Variants in PRR5L observed in about 807,000 individuals in gnomAD.
The protein encoded by PRR5L is proline rich 5 like, also known as proline-rich protein 5-like.
In PRR5L, 21 loss-of-function variants were observed where a neutral mutation model predicts 36.4. The observed-to-expected ratio is 0.58, with a 90% CI of 0.41 to 0.83. The LOEUF (loss-of-function observed/expected upper bound fraction) is 0.83, where lower values mean the gene tolerates loss of function less well. Among genes scored for constraint, PRR5L ranks in the 40% least tolerant of loss-of-function variants. The probability of loss-of-function intolerance (pLI) is 0.00; values close to 1 mark genes in which losing one functional copy is unlikely to be tolerated. For synonymous variants in PRR5L, 188 were observed against 197.0 expected (o/e 0.95, Z 0.38); for missense variants, 381 against 473.3 (o/e 0.80, Z 1.81).
chr11:36,331,962 G>C (rs1004441064), intron 1 of PRR5L, among the ~76,000 whole-genome samples: 1 of 152,098 alleles, frequency 6.6e-6, no homozygotes. Flanking sequence ...CGTTGGATAG[G>C]TTACTTAACC....
chr11:36,382,580 C>G (rs937277153), intron 1 of PRR5L, among the ~76,000 whole-genome samples: 1 of 152,204 alleles, frequency 6.6e-6, no homozygotes, highest in Non-Finnish European at 1.5e-5. Context: ...GATTCCCAGA[C>G]TACAATGCGG....
chr11:36,455,856 G>A (rs564034446), intron 8 of PRR5L, among the ~76,000 whole-genome samples: 58 of 152,328 alleles, frequency 3.8e-4, no homozygotes, highest in Middle Eastern at 3.4e-3. Flanking sequence ...GGAGTCTGGC[G>A]GGAACTTAGC....
intron 4 of PRR5L, among the ~76,000 whole-genome samples, chr11:36,426,438 T>C (rs772114020): frequency 5.3e-5 from 8 of 152,254 alleles, no homozygotes; most frequent in Non-Finnish European, 1.2e-4. Context: ...CTACTTCATA[T>C]GGTTGATGTG....
At chr11:36,419,006 G>C (rs1327482576) in intron 3 of PRR5L, among the ~76,000 whole-genome samples, 1 of 152,070 alleles carries the variant, frequency 6.6e-6, no homozygotes, top group Non-Finnish European at 1.5e-5. Context: ...CTAGAATTAG[G>C]ATTTCCTTTG....
chr11:36,397,707 T>C (rs890098255), intron 1 of PRR5L, among the ~76,000 whole-genome samples: 1 of 152,026 alleles, frequency 6.6e-6, no homozygotes, highest in Non-Finnish European at 1.5e-5. Flanking sequence ...TCCGCCTGCC[T>C]TGGCCGGGAT....
At chr11:36,330,994 T>C (rs1320926984) in intron 1 of PRR5L, among the ~76,000 whole-genome samples, 3 of 152,048 alleles carry the variant, frequency 2.0e-5, no homozygotes, top group Non-Finnish European at 4.4e-5. Flanking sequence ...TTAGTAGAGA[T>C]GGGGTTACAC....
chr11:36,376,025 G>A (rs1417754114), intron 1 of PRR5L: 21 of 549,208 alleles, frequency 3.8e-5, no homozygotes, highest in South Asian at 3.3e-4. Flanking sequence ...GGCCGGGGGC[G>A]GGGGTCGGCT....
At chr11:36,363,937 C>T (rs922347385) in intron 1 of PRR5L, among the ~76,000 whole-genome samples, 2 of 152,220 alleles carry the variant, frequency 1.3e-5, no homozygotes, top group African/African-American at 4.8e-5. Flanking sequence ...ATGGCTCTGC[C>T]TTCCTCTTAG....
chr11:36,322,957 C>T (rs1043867127), intron 1 of PRR5L, among the ~76,000 whole-genome samples: 10 of 152,154 alleles, frequency 6.6e-5, no homozygotes, highest in Admixed American at 6.5e-5. Flanking sequence ...ATGCAAGGAT[C>T]GCTGGCGACG....
At chr11:36,324,851 G>A (rs2133466944) in intron 1 of PRR5L, among the ~76,000 whole-genome samples, 1 of 152,168 alleles carries the variant, frequency 6.6e-6, no homozygotes, top group South Asian at 2.1e-4. Flanking sequence ...CTCTTAATAA[G>A]ATCTTTTTAT....
chr11:36,415,991 A>G (rs1434675301), intron 3 of PRR5L, among the ~76,000 whole-genome samples: 1 of 152,190 alleles, frequency 6.6e-6, no homozygotes, highest in African/African-American at 2.4e-5. Flanking sequence ...GTATGTACAC[A>G]CTGTTCTGTA....
chr11:36,422,976 T>A (rs1029273523), intron 4 of PRR5L, among the ~76,000 whole-genome samples: 1 of 152,220 alleles, frequency 6.6e-6, no homozygotes, highest in Non-Finnish European at 1.5e-5. Flanking sequence ...TCATTAGGTA[T>A]CTTGGTGGTT....
rs1487366379 is a variant in PRR5L at position 36,414,311 on chromosome 11, CTAGTT to C, written c.246-4941_246-4937del. On this transcript the variant is annotated intron_variant, in intron 3 of 8. Coordinates refer to ENST00000530639, the MANE Select transcript of PRR5L (RefSeq NM_001160167.2). ...CACACTGACTTCCACAATGGTTGAA[CTAGTT>C]TACAGTCCCACCAACAGTGTAAAAG... Among the ~76,000 whole-genome samples, 4 of 149,580 alleles carry C rather than the reference CTAGTT, an allele frequency of 2.7e-5. No individual in the cohort carries two copies. The East Asian group carries it at 7.9e-4, about 30-fold the overall frequency.
intron 1 of PRR5L, among the ~76,000 whole-genome samples, chr11:36,319,561 A>AT (rs1856592364): frequency 6.6e-6 from 1 of 152,220 alleles, no homozygotes; most frequent in Admixed American, 6.5e-5. Context: ...TGGGTGATAC[A>AT]TAAACCAATG....
intron 1 of PRR5L, among the ~76,000 whole-genome samples, chr11:36,392,342 A>G (rs1406044635): frequency 6.6e-6 from 1 of 151,966 alleles, no homozygotes; most frequent in Admixed American, 6.5e-5. Context: ...CAGCAGTGAG[A>G]TTGCTGAATC....
chr11:36,381,995 A>G (rs1377552302), intron 1 of PRR5L, among the ~76,000 whole-genome samples: 1 of 152,074 alleles, frequency 6.6e-6, no homozygotes, highest in Non-Finnish European at 1.5e-5. Flanking sequence ...CATCTCTACT[A>G]AAAATACAAA....
chr11:36,415,203 T>C lies in PRR5L; in HGVS notation c.246-4052T>C, dbSNP rs575840999. ...TTGCCTTGGTGATGCGGGCTCTTTT[T>C]TGGTTCCATATGAACTTTAAAGTAG... is the stretch of plus-strand genomic sequence containing the variant. On this transcript the variant is annotated intron_variant, in intron 3 of 8. Coordinates refer to ENST00000530639, the MANE Select transcript of PRR5L (RefSeq NM_001160167.2). Among the ~76,000 whole-genome samples the C allele has an allele frequency of 2.0e-5, 3 of 152,244 alleles. No individual in the cohort carries two copies. In the South Asian group the frequency reaches 6.2e-4, roughly 32 times the overall value.
At chr11:36,438,971 T>C (rs775336362) in intron 6 of PRR5L, among the ~76,000 whole-genome samples, 7 of 152,182 alleles carry the variant, frequency 4.6e-5, no homozygotes, top group African/African-American at 1.2e-4. Flanking sequence ...GAGTTATATT[T>C]GAATTGCATA....
At chr11:36,391,323 C>G (rs1480499440) in intron 1 of PRR5L, among the ~76,000 whole-genome samples, 5 of 152,200 alleles carry the variant, frequency 3.3e-5, no homozygotes, top group Admixed American at 1.3e-4. Context: ...ACCCACTGCC[C>G]CAGCAGGCAG....
Sources: gnomAD v4.1 joint callset for allele counts (sites outside exome capture counted in the v4.1 genomes callset) on GRCh38, gnomAD v4.1.1 for gene constraint, MANE v1.5 for transcripts, NCBI Gene and HGNC (gene_info 2026-07-23, HGNC 2026-07-21) for gene names.